Variants in SEMA6D observed in about 807,000 individuals in gnomAD.
The protein encoded by SEMA6D is semaphorin 6D, also known as semaphorin-6D.
In SEMA6D, 35 loss-of-function variants were observed where a neutral mutation model predicts 106.6. The observed-to-expected ratio is 0.33, with a 90% confidence interval of 0.25 to 0.44. The LOEUF (loss-of-function observed/expected upper bound fraction) is 0.44, where lower values mean the gene tolerates loss of function less well. Ranked by LOEUF, SEMA6D falls within the 20% of genes least tolerant of loss-of-function variation. The pLI, the probability that SEMA6D is intolerant of heterozygous loss-of-function variation, is 1.00. For synonymous variants in SEMA6D, 499 were observed against 487.7 expected (o/e 1.02, Z -0.31); for missense variants, 1,185 against 1,345.9 (o/e 0.88, Z 1.87).
intron 9 of SEMA6D, 117 bp from the exon 10 acceptor site, chr15:47,763,732 AT>A: frequency 3.4e-6 from 3 of 884,756 alleles, no homozygotes; most frequent in Non-Finnish European, 5.6e-6. Flanking sequence ...AGACTGCTAG[AT>A]TTTTTTGAAC....
Position 47,682,369 on chromosome 15 carries a change from A to T in SEMA6D, c.-54-77376A>T, listed in dbSNP as rs146734270. 4.6e-3 allele frequency among the ~76,000 whole-genome samples: 703 copies of T among 152,196 alleles called. 4 individuals carry two copies. The highest frequency in any genetic ancestry group is 0.016 in the African/African-American group (660 of 41,526). Reference sequence around the variant, plus strand: ...TTTGTAGTAGAGACGGGGTTTCACCATGTTAGCCAGGGTGGTGTCGATCTC... The same window carrying T: ...TTTGTAGTAGAGACGGGGTTTCACCTTGTTAGCCAGGGTGGTGTCGATCTC... On this transcript the variant is annotated intron_variant, in intron 4 of 19. Coordinates refer to the SEMA6D transcript ENST00000558014.
chr15:47,748,135 T>G (rs745920884), intron 1 of SEMA6D, among the ~76,000 whole-genome samples: 6 of 152,246 alleles, frequency 3.9e-5, no homozygotes, highest in Non-Finnish European at 8.8e-5. Flanking sequence ...AAGAGGCATC[T>G]GTTGCCTTTT....
intron 1 of SEMA6D, among the ~76,000 whole-genome samples, chr15:47,341,344 T>C (rs919534904): frequency 3.3e-5 from 5 of 152,024 alleles, no homozygotes; most frequent in African/African-American, 1.2e-4. Flanking sequence ...GAGCTGAGAT[T>C]GCGCCACTGC....
At chr15:47,257,060 CTTTT>C (rs531171004) in intron 1 of SEMA6D, among the ~76,000 whole-genome samples, 1 of 137,820 alleles carries the variant, frequency 7.3e-6, no homozygotes. Context: ...GAACAGAATT[CTTTT>C]TTTTTTTTTT....
intron 3 of SEMA6D, among the ~76,000 whole-genome samples, chr15:47,489,541 C>T (rs1381538424): frequency 6.6e-6 from 1 of 152,182 alleles, no homozygotes; most frequent in Non-Finnish European, 1.5e-5. Flanking sequence ...CGTTTGTCAG[C>T]TGTGTCCCTC....
At chr15:47,235,690 A>G (rs1270246188) in intron 1 of SEMA6D, among the ~76,000 whole-genome samples, 4 of 151,990 alleles carry the variant, frequency 2.6e-5, no homozygotes, top group African/African-American at 9.7e-5. Context: ...ATCCACCTTT[A>G]TGTCAGTACC....
chr15:47,682,126 T>A (rs1220155847), intron 4 of SEMA6D, among the ~76,000 whole-genome samples: 2 of 152,024 alleles, frequency 1.3e-5, no homozygotes, highest in Non-Finnish European at 2.9e-5. Context: ...AACGAGTTAC[T>A]ATGTGAGGAG....
intron 1 of SEMA6D, among the ~76,000 whole-genome samples, chr15:47,343,365 C>T (rs1416509000): frequency 6.6e-6 from 1 of 151,720 alleles, no homozygotes; most frequent in East Asian, 1.9e-4. Flanking sequence ...ATTAACTCGT[C>T]ATTTAGCGTT....
chr15:47,367,382 C>T (rs2039070448), intron 1 of SEMA6D, among the ~76,000 whole-genome samples: 1 of 152,090 alleles, frequency 6.6e-6, no homozygotes, highest in African/African-American at 2.4e-5. Flanking sequence ...CATTTAGAGA[C>T]CTACTTGGTA....
chr15:47,581,590 G>T (rs2076255366), intron 3 of SEMA6D, among the ~76,000 whole-genome samples: 1 of 152,162 alleles, frequency 6.6e-6, no homozygotes, highest in Non-Finnish European at 1.5e-5. Flanking sequence ...GTAGTGGTGG[G>T]ATTTGTGGGG....
chr15:47,744,561 G>T (rs2081011738), intron 1 of SEMA6D, among the ~76,000 whole-genome samples: 2 of 152,132 alleles, frequency 1.3e-5, no homozygotes, highest in Admixed American at 6.5e-5. Flanking sequence ...AAGGACACAT[G>T]GTTGTGGGGG....
intron 3 of SEMA6D, among the ~76,000 whole-genome samples, chr15:47,479,925 G>A (rs1005078052): frequency 1.0e-4 from 15 of 143,780 alleles, no homozygotes; most frequent in Non-Finnish European, 1.8e-4. Context: ...CTGGAGTGCA[G>A]TGACGTAATC....
chr15:47,432,086 A>G (rs559495788), intron 2 of SEMA6D, among the ~76,000 whole-genome samples: 2 of 152,168 alleles, frequency 1.3e-5, no homozygotes, highest in South Asian at 4.2e-4. Flanking sequence ...CTAAAAAGAT[A>G]TTTTCTTTTT....
intron 3 of SEMA6D, among the ~76,000 whole-genome samples, chr15:47,515,110 A>C (rs1435320302): frequency 6.6e-6 from 1 of 152,146 alleles, no homozygotes; most frequent in Non-Finnish European, 1.5e-5. Context: ...CTCTTGACTT[A>C]CGGCTTTTTC....
chr15:47,760,320 GGTTTT>G lies in SEMA6D; in HGVS notation c.127_131del (p.Val43Ter), dbSNP rs1166047926. On this transcript the variant is annotated frameshift_variant, in exon 3 of 19. Coordinates refer to ENST00000536845, the MANE Select transcript of SEMA6D (RefSeq NM_001358351.3). LOFTEE classifies it high-confidence loss of function. ...TACTTGCAGATTCAAGGCAATATCC[GGTTTT>G]TAGAGGACGCCCTTCAGGCAATGAA... The G allele has an allele frequency of 6.2e-7, 1 of 1,613,218 alleles. No homozygotes were observed. The highest frequency in any genetic ancestry group is 1.3e-5 in the African/African-American group (1 of 74,858).
intron 3 of SEMA6D, among the ~76,000 whole-genome samples, chr15:47,570,190 A>G (rs2046344366): frequency 1.3e-5 from 2 of 152,152 alleles, no homozygotes; most frequent in South Asian, 4.1e-4. Flanking sequence ...GCCCCACCCC[A>G]TTCTGACATC....
At chr15:47,365,642 C>T (rs546053424) in intron 1 of SEMA6D, among the ~76,000 whole-genome samples, 1 of 151,850 alleles carries the variant, frequency 6.6e-6, no homozygotes, top group South Asian at 2.1e-4. Flanking sequence ...GGGTGGATCA[C>T]CTGAAGTCAG....
chr15:47,549,715 T>C (rs565165370), intron 3 of SEMA6D, among the ~76,000 whole-genome samples: 1 of 152,254 alleles, frequency 6.6e-6, no homozygotes, highest in African/African-American at 2.4e-5. Context: ...ACTAGAAAAC[T>C]GGCTTTAAAG....
intron 4 of SEMA6D, among the ~76,000 whole-genome samples, chr15:47,690,730 G>A (rs187070066): frequency 6.6e-6 from 1 of 152,170 alleles, no homozygotes; most frequent in East Asian, 1.9e-4. Flanking sequence ...CCTTTGGTAA[G>A]CTATTGTTTT....
Sources: allele counts gnomAD v4.1 joint callset (sites outside exome capture counted in the v4.1 genomes callset), GRCh38; gene constraint gnomAD v4.1.1; transcripts MANE v1.5; gene names NCBI Gene and HGNC (gene_info 2026-07-23, HGNC 2026-07-21).